Variants in VWA3A observed in about 807,000 individuals in gnomAD.
VWA3A encodes the protein von Willebrand factor A domain containing 3A.
A neutral mutation model predicts 160.4 loss-of-function variants in VWA3A; 134 were observed. The ratio of observed to expected loss-of-function variants is 0.84; its 90% CI spans 0.73 to 0.96. VWA3A has a LOEUF of 0.96. VWA3A is among the 40% of genes least tolerant of loss of function. The probability of loss-of-function intolerance (pLI) is 0.00; values close to 1 mark genes in which losing one functional copy is unlikely to be tolerated. For synonymous variants in VWA3A, 476 were observed against 543.4 expected (o/e 0.88, Z 1.72); for missense variants, 1,310 against 1,447.9 (o/e 0.90, Z 1.55).
At chr16:22,141,542 G>T (rs1181814481) in intron 23 of VWA3A, 40 bp from the exon 24 acceptor site, 1 of 1,544,780 alleles carries the variant, frequency 6.5e-7, no homozygotes, top group African/African-American at 1.4e-5. Flanking sequence ...TTGCAAGAAT[G>T]CATGCAGCTG....
chr16:22,145,553 CGCTTGAACCCGGGAG>C (rs1298066121), intron 26 of VWA3A, among the ~76,000 whole-genome samples: 44 of 151,648 alleles, frequency 2.9e-4, no homozygotes, highest in Non-Finnish European at 6.2e-4. Context: ...GCAGGAAAAT[CGCTTGAACCCGGGAG>C]GCAGAGGCTG....
intron 21 of VWA3A, among the ~76,000 whole-genome samples, chr16:22,137,037 C>T (rs1462557379): frequency 6.6e-6 from 1 of 151,936 alleles, no homozygotes; most frequent in Non-Finnish European, 1.5e-5. Flanking sequence ...CATGCCACTG[C>T]ACTCCAGCCT....
chr16:22,146,723 C>T (rs543694181), intron 27 of VWA3A, among the ~76,000 whole-genome samples: 11 of 151,568 alleles, frequency 7.3e-5, no homozygotes, highest in Non-Finnish European at 1.5e-5. Flanking sequence ...GAGCTGAGAT[C>T]GCGCCACTGC....
intron 3 of VWA3A, among the ~76,000 whole-genome samples, chr16:22,099,749 G>A (rs1425348924): frequency 6.6e-6 from 1 of 152,154 alleles, no homozygotes; most frequent in East Asian, 1.9e-4. Flanking sequence ...ACTCCAGCCT[G>A]GGTGACAGAG....
intron 7 of VWA3A, among the ~76,000 whole-genome samples, chr16:22,109,916 T>C (rs2045529910): frequency 1.3e-5 from 2 of 152,244 alleles, no homozygotes; most frequent in South Asian, 2.1e-4. Context: ...CTTTTCTGGA[T>C]GGAAGAGCTA....
At chr16:22,108,798 C>T (rs1336952014) in intron 6 of VWA3A, among the ~76,000 whole-genome samples, 1 of 152,150 alleles carries the variant, frequency 6.6e-6, no homozygotes, top group African/African-American at 2.4e-5. Context: ...ACAAGTAATA[C>T]AGACAGTCCT....
chr16:22,145,477 G>A (rs936016832), intron 26 of VWA3A, among the ~76,000 whole-genome samples: 1 of 151,924 alleles, frequency 6.6e-6, no homozygotes, highest in African/African-American at 2.4e-5. Flanking sequence ...CGTCTCTACT[G>A]TAAATACAAA....
chr16:22,135,433 T>C (rs556119446), intron 21 of VWA3A, among the ~76,000 whole-genome samples: 1 of 152,294 alleles, frequency 6.6e-6, no homozygotes, highest in African/African-American at 2.4e-5. Flanking sequence ...GTAATTTGTA[T>C]CTTAATTACA....
chr16:22,102,030 T>C (rs1354867899), intron 5 of VWA3A, among the ~76,000 whole-genome samples: 2 of 152,188 alleles, frequency 1.3e-5, no homozygotes, highest in African/African-American at 4.8e-5. Flanking sequence ...ATGGCAGAGC[T>C]GTATCTCAAA....
intron 28 of VWA3A, 144 bp downstream of exon 28, chr16:22,148,450 C>T: frequency 2.5e-6 from 3 of 1,189,682 alleles, no homozygotes; most frequent in Non-Finnish European, 3.4e-6. Flanking sequence ...GGAAAGAGCA[C>T]TGTATTCTGC....
chr16:22,148,331 A>T, intron 28 of VWA3A, 25 bp downstream of exon 28: 1 of 1,577,004 alleles, frequency 6.3e-7, no homozygotes, highest in Non-Finnish European at 8.6e-7. Context: ...CTGATCAGGA[A>T]GATCAAAGGG....
intron 21 of VWA3A, among the ~76,000 whole-genome samples, chr16:22,136,899 A>G (rs866546680): frequency 1.4e-3 from 198 of 137,604 alleles, no homozygotes; most frequent in African/African-American, 4.5e-3. Flanking sequence ...ACACACGCAC[A>G]CACACACACA....
chr16:22,141,718 T>C (rs1177565547), intron 24 of VWA3A, 26 bp downstream of exon 24: 1 of 1,579,470 alleles, frequency 6.3e-7, no homozygotes. Context: ...TACAGGTGTC[T>C]GGACAGCCCC....
chr16:22,123,533 C>T, intron 15 of VWA3A, 80 bp from the exon 16 acceptor site: 1 of 1,610,884 alleles, frequency 6.2e-7, no homozygotes. Flanking sequence ...TGAAGCCCAC[C>T]CAGGTACACG....
chr16:22,126,401 A>G (rs1320853004), intron 17 of VWA3A, 104 bp downstream of exon 17: 5 of 1,465,120 alleles, frequency 3.4e-6, no homozygotes, highest in African/African-American at 2.8e-5. Flanking sequence ...TATTGACGTC[A>G]TGGTCACCCG....
intron 17 of VWA3A, among the ~76,000 whole-genome samples, chr16:22,126,792 G>T (rs2141938342): frequency 6.6e-6 from 1 of 152,188 alleles, no homozygotes; most frequent in Non-Finnish European, 1.5e-5. Flanking sequence ...AGGATCGCTT[G>T]CATCCAGGAG....
intron 6 of VWA3A, among the ~76,000 whole-genome samples, chr16:22,105,863 A>G (rs771371471): frequency 6.6e-6 from 1 of 152,240 alleles, no homozygotes; most frequent in African/African-American, 2.4e-5. Context: ...GCAATACCCT[A>G]GAATATTTGG....
chr16:22,126,164 G>A lies in VWA3A; in HGVS notation c.1533-14G>A, dbSNP rs150018505. 5.4e-3 allele frequency: 8,781 copies of A among 1,613,032 alleles called. 33 individuals are homozygous for A. The highest frequency in any genetic ancestry group is 6.2e-3 in the Non-Finnish European group (7,266 of 1,179,500). Reference sequence around the variant, plus strand: ...AGATTCGGTTCTCCTCTTAAAGCTCGTGTTTCCTTTTAGGGTGGTTGTACT... The same window carrying A: ...AGATTCGGTTCTCCTCTTAAAGCTCATGTTTCCTTTTAGGGTGGTTGTACT... On this transcript the variant is annotated splice_polypyrimidine_tract_variant and intron_variant, in intron 16 of 33. Coordinates refer to ENST00000389398, the MANE Select transcript of VWA3A (RefSeq NM_173615.5).
chr16:22,144,499 C>A, intron 26 of VWA3A, 115 bp downstream of exon 26: 1 of 1,424,110 alleles, frequency 7.0e-7, no homozygotes, highest in Non-Finnish European at 9.3e-7. Flanking sequence ...CTGCCCTCCT[C>A]CCCAAAGTGG....
Sources: allele counts gnomAD v4.1 joint callset (sites outside exome capture counted in the v4.1 genomes callset), GRCh38; gene constraint gnomAD v4.1.1; transcripts MANE v1.5; gene names NCBI Gene and HGNC (gene_info 2026-07-23, HGNC 2026-07-21).